The following NDUFAF2 variants were observed in gnomAD, a reference collection of about 807,000 sequenced individuals.
NDUFAF2 encodes NADH:ubiquinone oxidoreductase complex assembly factor 2, also known as NADH dehydrogenase [ubiquinone] 1 alpha subcomplex assembly factor 2.
Under a neutral mutation model 22.8 loss-of-function variants are expected in NDUFAF2, and 13 were observed. The observed-to-expected ratio is 0.57, with a 90% CI of 0.37 to 0.91. The LOEUF (loss-of-function observed/expected upper bound fraction) is 0.91, where lower values mean the gene tolerates loss of function less well. Among genes scored for constraint, NDUFAF2 ranks in the 40% least tolerant of loss-of-function variants. NDUFAF2 has a pLI of 0.01. For synonymous variants in NDUFAF2, 53 were observed against 64.2 expected, an observed-to-expected ratio of 0.83 and a Z score of 0.84; for missense variants, 162 against 195.2, an observed-to-expected ratio of 0.83 and a Z score of 1.01.
chr5:60,959,477 G>A (rs770783414), intron 1 of NDUFAF2, among the ~76,000 whole-genome samples: 7 of 151,874 alleles, frequency 4.6e-5, no homozygotes, highest in South Asian at 2.1e-4. Flanking sequence ...GATAGAAGTG[G>A]CAATTATATT....
At chr5:61,081,469 C>G (rs1265008335) in intron 2 of NDUFAF2, among the ~76,000 whole-genome samples, 1 of 152,124 alleles carries the variant, frequency 6.6e-6, no homozygotes, top group Non-Finnish European at 1.5e-5. Flanking sequence ...AGAACTGACT[C>G]TTTTCCCAGT....
intron 3 of NDUFAF2, among the ~76,000 whole-genome samples, chr5:61,136,005 TTATATATATATATATATA>T (rs57756292): frequency 0.01 from 994 of 95,908 alleles, 151 homozygotes; most frequent in African/African-American, 0.044. Flanking sequence ...AAGCCTGTCT[TTATATATATATATATATA>T]TATATATATA....
chr5:60,962,677 C>G (rs1750704799), intron 1 of NDUFAF2, among the ~76,000 whole-genome samples: 1 of 151,494 alleles, frequency 6.6e-6, no homozygotes, highest in South Asian at 2.1e-4. Context: ...CTAAAAAATA[C>G]AAAAAATTAG....
At chr5:61,095,332 C>A (rs1561563329) in intron 2 of NDUFAF2, among the ~76,000 whole-genome samples, 2 of 152,216 alleles carry the variant, frequency 1.3e-5, no homozygotes, top group African/African-American at 2.4e-5. Context: ...CAGGTTGGAA[C>A]TGCAGAGTTA....
intron 3 of NDUFAF2, among the ~76,000 whole-genome samples, chr5:61,138,496 TC>T (rs1176726485): frequency 2.0e-5 from 3 of 151,840 alleles, no homozygotes; most frequent in Non-Finnish European, 2.9e-5. Context: ...AACAGCCTCC[TC>T]CCCCCCAGAT....
chr5:61,092,685 T>C (rs1229123926), intron 2 of NDUFAF2, among the ~76,000 whole-genome samples: 1 of 152,178 alleles, frequency 6.6e-6, no homozygotes, highest in Non-Finnish European at 1.5e-5. Context: ...CTCTTCCTAT[T>C]TGGATGCCCT....
intron 3 of NDUFAF2, among the ~76,000 whole-genome samples, chr5:61,112,913 A>G (rs1345304509): frequency 9.4e-6 from 1 of 106,306 alleles, no homozygotes; most frequent in Admixed American, 1.0e-4. Context: ...TATCTGTTGT[A>G]TGTTTTTACA....
intron 1 of NDUFAF2, among the ~76,000 whole-genome samples, chr5:60,954,769 T>C (rs578111290): frequency 6.6e-6 from 1 of 151,806 alleles, no homozygotes; most frequent in Admixed American, 6.6e-5. Flanking sequence ...TTTTAAATAG[T>C]AGCCATCCTA....
chr5:61,144,211 AAGG>A (rs2111829101), intron 3 of NDUFAF2, among the ~76,000 whole-genome samples: 1 of 152,248 alleles, frequency 6.6e-6, no homozygotes, highest in East Asian at 1.9e-4. Context: ...ATGTACATAT[AAGG>A]TATTACTGAA....
intron 2 of NDUFAF2, among the ~76,000 whole-genome samples, chr5:61,084,104 T>C (rs975927121): frequency 1.3e-5 from 2 of 151,734 alleles, no homozygotes; most frequent in African/African-American, 4.8e-5. Flanking sequence ...CTGTAAGGTT[T>C]TTTAGATGCC....
At chr5:60,978,176 A>G (rs900376025) in intron 1 of NDUFAF2, among the ~76,000 whole-genome samples, 2 of 152,130 alleles carry the variant, frequency 1.3e-5, no homozygotes, top group Non-Finnish European at 2.9e-5. Context: ...GCTGGTGCCC[A>G]TTGAGGGAGC....
In NDUFAF2 at chr5:61,152,829, A is replaced by G. The variant is rs1741264721; in HGVS notation, c.384A>G (p.Gln128=). The G allele has an allele frequency of 1.2e-6, 2 of 1,606,226 alleles. No homozygotes were observed. Among genetic ancestry groups the G allele is most frequent in the African/African-American group, 1.3e-5 (1 of 74,570 alleles). The change falls in exon 4 of 4, where the codon CAA becomes CAG. Residue 128 remains glutamine, a synonymous_variant. Coordinates refer to ENST00000296597, the MANE Select transcript of NDUFAF2 (RefSeq NM_174889.5). ...TCCTGCCTCCACCAGTTCAAACTCA[A>G]ATTAAAGGCCATGCCTCTGCTCCAT... The part of the protein sequence containing the change: ...EELLPPPVQT[Q]IKGHASAPYF...
In NDUFAF2 at chr5:61,027,926, T is replaced by A. The variant is rs7723349; in HGVS notation, c.128-45199T>A. Among the ~76,000 whole-genome samples, 4 of 151,798 alleles carry A rather than the reference T, an allele frequency of 2.6e-5. No homozygotes were observed. The East Asian group carries it at 5.8e-4, about 22-fold the overall frequency. ...CAACAGATATTTATTGACTGCCATCTTTGTATCAGACATTATTTTAGGTTC... is the reference window on the plus strand; with the variant it reads ...CAACAGATATTTATTGACTGCCATCATTGTATCAGACATTATTTTAGGTTC... On this transcript the variant is annotated intron_variant, in intron 1 of 3. Coordinates refer to ENST00000296597, the MANE Select transcript of NDUFAF2 (RefSeq NM_174889.5).
At chr5:61,007,520 A>G (rs772264841) in intron 1 of NDUFAF2, among the ~76,000 whole-genome samples, 3 of 152,230 alleles carry the variant, frequency 2.0e-5, no homozygotes, top group Non-Finnish European at 2.9e-5. Flanking sequence ...TCAAAAGAAG[A>G]CCTTTATGCA....
chr5:61,067,179 T>A (rs1249372975), intron 1 of NDUFAF2, among the ~76,000 whole-genome samples: 1 of 152,128 alleles, frequency 6.6e-6, no homozygotes, highest in African/African-American at 2.4e-5. Context: ...ATTATTATGC[T>A]TTAAGTTTTA....
At chr5:61,135,473 A>C (rs1561136436) in intron 3 of NDUFAF2, among the ~76,000 whole-genome samples, 1 of 152,226 alleles carries the variant, frequency 6.6e-6, no homozygotes, top group Non-Finnish European at 1.5e-5. Flanking sequence ...CAATTGATTG[A>C]AACATTCAAA....
chr5:61,052,847 A>G (rs536554850), intron 1 of NDUFAF2, among the ~76,000 whole-genome samples: 1 of 152,258 alleles, frequency 6.6e-6, no homozygotes, highest in African/African-American at 2.4e-5. Context: ...TCGTTATTCA[A>G]CCTTTTTGTT....
chr5:60,983,543 T>G (rs1303446566), intron 1 of NDUFAF2, among the ~76,000 whole-genome samples: 4 of 149,164 alleles, frequency 2.7e-5, no homozygotes, highest in African/African-American at 9.9e-5. Flanking sequence ...GGTCTAACAT[T>G]TAAGTCTTTA....
intron 3 of NDUFAF2, among the ~76,000 whole-genome samples, chr5:61,101,801 CA>C (rs892416982): frequency 1.3e-5 from 2 of 152,088 alleles, no homozygotes; most frequent in Non-Finnish European, 2.9e-5. Flanking sequence ...CTCAAAACTA[CA>C]AAATGTTGGT....
Sources: allele counts gnomAD v4.1 joint callset (sites outside exome capture counted in the v4.1 genomes callset), GRCh38; gene constraint gnomAD v4.1.1; transcripts MANE v1.5; gene names NCBI Gene and HGNC (gene_info 2026-07-23, HGNC 2026-07-21).